Variants in PCDHA6 observed in about 807,000 individuals in gnomAD.
PCDHA6 encodes the protein protocadherin alpha-6.
Under a neutral mutation model 60.3 loss-of-function variants are expected in PCDHA6, and 55 were observed. That is an observed-to-expected ratio of 0.91 (90% CI 0.73 to 1.14). PCDHA6 has a LOEUF of 1.14. PCDHA6 is among the 50% of genes most tolerant of loss of function. The probability of loss-of-function intolerance (pLI) is 0.00; values close to 1 mark genes in which losing one functional copy is unlikely to be tolerated. For missense variants in PCDHA6, 1,327 were observed against 1,256.5 expected (o/e 1.06, Z -0.85); for synonymous variants, 652 against 557.9 (o/e 1.17, Z -2.38).
chr5:140,982,633 A>G (rs2096992474), intron 3 of PCDHA6, 70 bp downstream of exon 3: 1 of 1,557,590 alleles, frequency 6.4e-7, no homozygotes, highest in Non-Finnish European at 8.7e-7. Flanking sequence ...CTTTTGTAAG[A>G]TCAGGAATGT....
chr5:140,883,503 C>T (rs782604086), intron 1 of PCDHA6: 7 of 1,614,204 alleles, frequency 4.3e-6, no homozygotes, highest in Non-Finnish European at 5.9e-6. Flanking sequence ...CTGGACAGCG[C>T]CCTGGACCGC....
intron 1 of PCDHA6, chr5:140,841,605 T>A: frequency 6.2e-7 from 1 of 1,614,126 alleles, no homozygotes; most frequent in Non-Finnish European, 8.5e-7. Context: ...CGCGAGGAGC[T>A]GTGCGGGCGG....
Position 140,848,772 on chromosome 5 carries a change from G to A in PCDHA6, c.2394+18287G>A, listed in dbSNP as rs2150420106. ...GTTTGTGAATTCTCGGATCGACCGCGAGGAGCTGTGCGGGCGGAGCGCGGA... is the reference window on the plus strand; with the variant it reads ...GTTTGTGAATTCTCGGATCGACCGCAAGGAGCTGTGCGGGCGGAGCGCGGA... On this transcript the variant is annotated intron_variant, in intron 1 of 3. Coordinates refer to ENST00000529310, the MANE Select transcript of PCDHA6 (RefSeq NM_018909.4). 12 of 1,593,594 alleles carry A rather than the reference G, an allele frequency of 7.5e-6. 2 individuals carry two copies. Among genetic ancestry groups the A allele is most frequent in the Non-Finnish European group, 1.0e-5 (12 of 1,164,190 alleles).
intron 1 of PCDHA6, among the ~76,000 whole-genome samples, chr5:140,838,786 G>C (rs1554137197): frequency 6.6e-6 from 1 of 151,962 alleles, no homozygotes; most frequent in African/African-American, 2.4e-5. Context: ...GCTATGCATG[G>C]TGATGCATGT....
At chr5:140,999,784 T>C (rs1176844844) in intron 3 of PCDHA6, among the ~76,000 whole-genome samples, 1 of 152,202 alleles carries the variant, frequency 6.6e-6, no homozygotes, top group African/African-American at 2.4e-5. Context: ...AACCTAGAAA[T>C]GGCAGAGTTA....
At chr5:140,858,308 C>T in intron 1 of PCDHA6, 1 of 1,597,268 alleles carries the variant, frequency 6.3e-7, no homozygotes, top group Non-Finnish European at 8.6e-7. Context: ...GCAGAGGCGG[C>T]AGAGGGTGTG....
chr5:140,909,711 A>G (rs1473634057), intron 1 of PCDHA6, among the ~76,000 whole-genome samples: 1 of 152,122 alleles, frequency 6.6e-6, no homozygotes, highest in Non-Finnish European at 1.5e-5. Context: ...TGCTAAGTAT[A>G]CCTATGCCAA....
At chr5:140,925,142 C>G (rs2082353538) in intron 1 of PCDHA6, among the ~76,000 whole-genome samples, 1 of 151,570 alleles carries the variant, frequency 6.6e-6, no homozygotes, top group African/African-American at 2.4e-5. Context: ...TTCAAACATA[C>G]ACAAAAGTTG....
chr5:140,928,132 C>T (rs1563101702), intron 1 of PCDHA6: 1 of 1,614,100 alleles, frequency 6.2e-7, no homozygotes, highest in Non-Finnish European at 8.5e-7. Flanking sequence ...ATACCAAGTC[C>T]TGATCACGGC....
chr5:140,879,470 T>C (rs73793510), intron 1 of PCDHA6, among the ~76,000 whole-genome samples: 2,106 of 152,256 alleles, frequency 0.014, 41 homozygotes, highest in African/African-American at 0.048. Flanking sequence ...GAGAATACCG[T>C]TGTGATTGGA....
At chr5:140,876,398 A>G (rs782094508) in intron 1 of PCDHA6, 1 of 1,613,962 alleles carries the variant, frequency 6.2e-7, no homozygotes, top group Non-Finnish European at 8.5e-7. Context: ...GGTGAACTGG[A>G]TTTTGAAGAG....
chr5:140,967,498 T>G, intron 1 of PCDHA6: 2 of 1,613,108 alleles, frequency 1.2e-6, no homozygotes, highest in Non-Finnish European at 1.7e-6. Flanking sequence ...CACAGATCTC[T>G]GTGCGTGTCC....
At position 140,835,641 on chromosome 5, in the gene PCDHA6, G is replaced by A. The variant is rs2150240486; in HGVS notation, c.2394+5156G>A. ...CGCTCTGGACCGCGAGAGTGTGTCC[G>A]CCTATGAGCTGGTGGTTACCGCGCG... On this transcript the variant is annotated intron_variant, in intron 1 of 3. Transcript: ENST00000529310. 5.0e-6 allele frequency: 8 copies of A among 1,613,912 alleles called. No homozygotes were observed. In the South Asian group the frequency reaches 7.7e-5, roughly 16 times the overall value.
chr5:140,982,330 A>G (rs1164990385), intron 2 of PCDHA6, 145 bp from the exon 3 acceptor site: 3 of 1,429,408 alleles, frequency 2.1e-6, no homozygotes, highest in Non-Finnish European at 2.8e-6. Flanking sequence ...GTGACTGCTC[A>G]GCAGTAATTG....
chr5:140,840,728 G>T (rs995381771), intron 1 of PCDHA6, among the ~76,000 whole-genome samples: 1 of 151,956 alleles, frequency 6.6e-6, no homozygotes, highest in Non-Finnish European at 1.5e-5. Context: ...ATAAAGAAAA[G>T]CAAAAATTTA....
At chr5:140,970,006 A>G (rs2096376265) in intron 1 of PCDHA6, among the ~76,000 whole-genome samples, 1 of 152,158 alleles carries the variant, frequency 6.6e-6, no homozygotes, top group Non-Finnish European at 1.5e-5. Context: ...GAGGGAGTGG[A>G]TGATGGTGAG....
chr5:140,870,200 C>A, intron 1 of PCDHA6: 1 of 1,614,174 alleles, frequency 6.2e-7, no homozygotes, highest in South Asian at 1.1e-5. Flanking sequence ...CAGCCCAGCA[C>A]GGTCATTGCC....
chr5:140,882,888 A>G, intron 1 of PCDHA6: 1 of 1,614,190 alleles, frequency 6.2e-7, no homozygotes. Context: ...GAAATTCAGG[A>G]ACATAGTTTA....
intron 1 of PCDHA6, among the ~76,000 whole-genome samples, chr5:140,885,900 C>G (rs1387318205): frequency 6.6e-6 from 1 of 152,120 alleles, no homozygotes; most frequent in Non-Finnish European, 1.5e-5. Flanking sequence ...GAAAAGTTCT[C>G]TGTACCTTAT....
Sources: allele counts gnomAD v4.1 joint callset (sites outside exome capture counted in the v4.1 genomes callset), GRCh38; gene constraint gnomAD v4.1.1; transcripts MANE v1.5; gene names NCBI Gene and HGNC (gene_info 2026-07-23, HGNC 2026-07-21).